NELL2: variants seen among roughly 807,000 people sequenced by gnomAD.
NELL2 encodes neural EGFL like 2, also known as protein kinase C-binding protein NELL2.
Under a neutral mutation model 109.6 loss-of-function variants are expected in NELL2, and 41 were observed. The ratio of observed to expected loss-of-function variants is 0.37; its 90% CI spans 0.29 to 0.49. The LOEUF (loss-of-function observed/expected upper bound fraction) is 0.49, where lower values mean the gene tolerates loss of function less well. NELL2 is among the 20% of genes least tolerant of loss of function. The probability of loss-of-function intolerance (pLI) is 0.98; values close to 1 mark genes in which losing one functional copy is unlikely to be tolerated. For synonymous variants in NELL2, 355 were observed against 344.7 expected, an observed-to-expected ratio of 1.03 and a Z score of -0.33; for missense variants, 900 against 1,008.3, an observed-to-expected ratio of 0.89 and a Z score of 1.45.
At chr12:44,831,929 G>A (rs560824519) in intron 2 of NELL2, among the ~76,000 whole-genome samples, 17 of 152,218 alleles carry the variant, frequency 1.1e-4, no homozygotes, top group African/African-American at 4.1e-4. Context: ...CTTTGTTACA[G>A]GAACTTAGCC....
intron 13 of NELL2, among the ~76,000 whole-genome samples, chr12:44,659,670 A>G (rs1027548735): frequency 2.6e-5 from 4 of 152,182 alleles, no homozygotes; most frequent in South Asian, 2.1e-4. Context: ...GAGAAAAAGA[A>G]TTGACCACAA....
intron 7 of NELL2, 97 bp from the exon 8 acceptor site, chr12:44,776,247 A>T: frequency 8.0e-7 from 1 of 1,250,030 alleles, no homozygotes; most frequent in South Asian, 1.5e-5. Flanking sequence ...AGTATGTAGC[A>T]ATGATGATGG....
intron 13 of NELL2, among the ~76,000 whole-genome samples, chr12:44,620,659 G>A (rs1204268043): frequency 6.6e-6 from 1 of 152,020 alleles, no homozygotes; most frequent in Non-Finnish European, 1.5e-5. Context: ...GAATCCAGGA[G>A]TCACCATAGA....
intron 9 of NELL2, among the ~76,000 whole-genome samples, chr12:44,722,291 G>C (rs559562120): frequency 2.0e-5 from 3 of 152,110 alleles, no homozygotes; most frequent in Admixed American, 2.0e-4. Context: ...TCAGCCTCCT[G>C]AGTAGTTGGG....
intron 2 of NELL2, among the ~76,000 whole-genome samples, chr12:44,844,379 T>A (rs1010054191): frequency 6.6e-6 from 1 of 152,242 alleles, no homozygotes; most frequent in Admixed American, 6.5e-5. Flanking sequence ...AAACTTCAGA[T>A]GTATAACAAC....
chr12:44,792,258 A>C (rs1197994908), intron 3 of NELL2, among the ~76,000 whole-genome samples: 1 of 152,204 alleles, frequency 6.6e-6, no homozygotes, highest in Non-Finnish European at 1.5e-5. Context: ...AGAAGGTTCA[A>C]GAGAGAATGG....
chr12:44,523,362 C>T lies in NELL2; in HGVS notation c.1927G>A (p.Asp643Asn). 1.2e-6 allele frequency: 2 copies of T among 1,614,210 alleles called. No homozygotes were observed. Among genetic ancestry groups the T allele is most frequent in the Non-Finnish European group, 1.7e-6 (2 of 1,180,026 alleles). The change falls in exon 17 of 20, where the codon GAT becomes AAT. Residue 643 changes from aspartate to asparagine, a missense_variant. Coordinates refer to ENST00000429094, the MANE Select transcript of NELL2 (RefSeq NM_001145108.2). The stretch of plus-strand genomic sequence containing the variant: ...TGACCATTGTGCTTAACTTTTCCAT[C>T]ATGGATGCAGTCCCCTGTGCAATTC... The part of the protein sequence containing the change: ...GKNCTGDCIH[D>N]GKVKHNGQIW...
At chr12:44,652,498 A>G (rs1376470241) in intron 13 of NELL2, among the ~76,000 whole-genome samples, 1 of 152,202 alleles carries the variant, frequency 6.6e-6, no homozygotes, top group African/African-American at 2.4e-5. Flanking sequence ...TGAGGAATTT[A>G]GGCATAAATG....
intron 15 of NELL2, among the ~76,000 whole-genome samples, chr12:44,562,503 A>C (rs973244929): frequency 6.6e-6 from 1 of 152,202 alleles, no homozygotes; most frequent in African/African-American, 2.4e-5. Flanking sequence ...AAAAGTGGGC[A>C]AAAGATATGA....
At chr12:44,695,956 C>A (rs1949052212) in intron 12 of NELL2, among the ~76,000 whole-genome samples, 1 of 151,752 alleles carries the variant, frequency 6.6e-6, no homozygotes, top group Admixed American at 6.6e-5. Flanking sequence ...TGCACTCCAG[C>A]CTAGGCAACA....
chr12:44,587,284 A>AAAAAAAAAAAAAAAAAATATATATAT, intron 15 of NELL2, among the ~76,000 whole-genome samples: 7 of 72,214 alleles, frequency 9.7e-5, no homozygotes, highest in Admixed American at 3.3e-4. Flanking sequence ...AAAAAAAAAA[A>AAAAAAAAAAAAAAAAAATATATATAT]ATATATATAT....
At chr12:44,560,771 A>T (rs1310135200) in intron 15 of NELL2, among the ~76,000 whole-genome samples, 1 of 152,214 alleles carries the variant, frequency 6.6e-6, no homozygotes, top group Non-Finnish European at 1.5e-5. Context: ...AGCTGCTATC[A>T]TTCCTTCTGA....
Position 44,665,570 on chromosome 12 carries a change from T to G in NELL2, c.1358A>C (p.Glu453Ala). ...ECAEGRHYCR[E>A]NTMCVNTPGS... The stretch of plus-strand genomic sequence containing the variant: ...CGGGGTGTTGACACACATTGTATTT[T>G]CACGACAGTAATGGCGCCCTTCAGC... The change falls in exon 13 of 20, where the codon GAA (glutamate) becomes GCA (alanine). Residue 453 changes from glutamate (E) to alanine (A), a missense_variant. Coordinates refer to ENST00000429094, the MANE Select transcript of NELL2 (RefSeq NM_001145108.2). The G allele has an allele frequency of 1.2e-6, 2 of 1,613,576 alleles. No individual in the cohort carries two copies. Among genetic ancestry groups the G allele is most frequent in the Non-Finnish European group, 1.7e-6 (2 of 1,179,540 alleles).
chr12:44,778,699 G>A (rs1941842272), intron 5 of NELL2, among the ~76,000 whole-genome samples: 1 of 152,092 alleles, frequency 6.6e-6, no homozygotes, highest in South Asian at 2.1e-4. Context: ...CTTACTATTT[G>A]CCTATCTTTA....
intron 15 of NELL2, among the ~76,000 whole-genome samples, chr12:44,565,528 A>G (rs1448568157): frequency 6.6e-6 from 1 of 152,174 alleles, no homozygotes; most frequent in Non-Finnish European, 1.5e-5. Flanking sequence ...AGTTTGCTAG[A>G]AAATCTGTGA....
chr12:44,894,629 C>T lies in NELL2; in HGVS notation c.39-18729G>A, dbSNP rs187125403. Reference sequence around the variant, plus strand: ...AACGTTCTATCAGATCTGTAAGGAACTCAATGATATGTCTCACAGATGTGC... The same window carrying T: ...AACGTTCTATCAGATCTGTAAGGAATTCAATGATATGTCTCACAGATGTGC... On this transcript the variant is annotated intron_variant, in intron 1 of 20. Coordinates refer to the NELL2 transcript ENST00000333837. 8.5e-5 allele frequency among the ~76,000 whole-genome samples: 13 copies of T among 152,276 alleles called. No homozygotes were observed. The South Asian group carries it at 2.5e-3, about 29-fold the overall frequency.
At chr12:44,760,408 C>A (rs889783670) in intron 9 of NELL2, among the ~76,000 whole-genome samples, 1 of 151,892 alleles carries the variant, frequency 6.6e-6, no homozygotes, top group Non-Finnish European at 1.5e-5. Flanking sequence ...TCATGATATA[C>A]AAAAGCCATC....
At chr12:44,550,712 T>A (rs1279576971) in intron 15 of NELL2, among the ~76,000 whole-genome samples, 3 of 152,090 alleles carry the variant, frequency 2.0e-5, no homozygotes, top group African/African-American at 7.2e-5. Flanking sequence ...CTGTTATTTG[T>A]GACAACACGG....
At chr12:44,523,856 A>AT (rs1941648547) in intron 16 of NELL2, among the ~76,000 whole-genome samples, 1 of 152,190 alleles carries the variant, frequency 6.6e-6, no homozygotes, top group Admixed American at 6.5e-5. Context: ...TTTAATGGGG[A>AT]TATCATCCCC....
Sources: gnomAD v4.1 joint callset for allele counts (sites outside exome capture counted in the v4.1 genomes callset) on GRCh38, gnomAD v4.1.1 for gene constraint, MANE v1.5 for transcripts, NCBI Gene and HGNC (gene_info 2026-07-23, HGNC 2026-07-21) for gene names.